Variants in UNC13A observed in about 807,000 individuals in gnomAD.
UNC13A encodes the protein unc-13 homolog A, also known as protein unc-13 homolog A.
Under a neutral mutation model 219.7 loss-of-function variants are expected in UNC13A, and 61 were observed. The ratio of observed to expected loss-of-function variants is 0.28; its 90% confidence interval spans 0.23 to 0.34. The LOEUF is 0.34. Among genes scored for constraint, UNC13A ranks in the 10% least tolerant of loss-of-function variants. UNC13A has a pLI of 1.00. For missense variants in UNC13A, 1,476 were observed against 2,270.3 expected (o/e 0.65, Z 7.11); for synonymous variants, 920 against 884.6 (o/e 1.04, Z -0.71).
intron 17 of UNC13A, 125 bp from the exon 18 acceptor site, chr19:17,646,236 G>A (rs1309038938): frequency 4.6e-6 from 6 of 1,290,524 alleles, no homozygotes; most frequent in Non-Finnish European, 5.3e-6. Context: ...AGCAATGGCA[G>A]GGCACGCTGG....
chr19:17,675,973 C>CAG, intron 2 of UNC13A, 39 bp downstream of exon 2: 1 of 1,550,638 alleles, frequency 6.4e-7, no homozygotes, highest in Non-Finnish European at 8.7e-7. Context: ...GACAGACAGA[C>CAG]AGACAACACG....
chr19:17,652,610 G>A (rs370888161), intron 12 of UNC13A, 21 bp downstream of exon 12: 104 of 1,613,480 alleles, frequency 6.4e-5, no homozygotes, highest in Non-Finnish European at 8.5e-5. Context: ...TCCTCCCACC[G>A]CTCACAGTTT....
At position 17,626,864 on chromosome 19, in the gene UNC13A, G is replaced by A. The variant is rs1313490579; in HGVS notation, c.3921-79C>T. ...CAGATGCTGATCTGTGGTCCTTGAG[G>A]TCATATCATTTGCATCACAGCACAT... is the stretch of plus-strand genomic sequence containing the variant. On this transcript the variant is annotated intron_variant, in intron 33 of 43. Transcript: ENST00000519716. 4.0e-6 allele frequency: 6 copies of A among 1,506,034 alleles called. No individual in the cohort carries two copies. The Middle Eastern group carries it at 5.4e-4, about 136-fold the overall frequency. 93.3% of individuals were successfully genotyped at this position (1,506,034 alleles called of 1,614,324 possible). A position where few individuals can be genotyped will look rare whatever the true frequency, so the allele number is the denominator to read the frequency against.
intron 6 of UNC13A, among the ~76,000 whole-genome samples, chr19:17,667,730 C>G (rs2079684807): frequency 6.6e-6 from 1 of 151,798 alleles, no homozygotes; most frequent in Non-Finnish European, 1.5e-5. Context: ...CCGCCACAGC[C>G]TCCCAAATTG....
At position 17,688,250 on chromosome 19, in the gene UNC13A, T is replaced by G. The variant is rs903695575; in HGVS notation, c.-51A>C. On this transcript the variant is annotated 5_prime_UTR_variant, in exon 1 of 44. Coordinates refer to ENST00000519716, the MANE Select transcript of UNC13A (RefSeq NM_001080421.3). ...AGGCGGCCGGGCCGGCTCTGTCGGG[T>G]CGGGCTCAGCGGCCGCTGGGCTGGG... 2 of 1,432,452 alleles carry G rather than the reference T, an allele frequency of 1.4e-6. No individual in the cohort carries two copies. The highest frequency in any genetic ancestry group is 1.5e-5 in the South Asian group (1 of 68,130). The allele number at this position is 1,432,452 out of a possible 1,614,324, so 88.7% of individuals were successfully genotyped here.
chr19:17,616,798 C>T (rs2076670720), intron 41 of UNC13A, among the ~76,000 whole-genome samples: 2 of 152,120 alleles, frequency 1.3e-5, no homozygotes, highest in Non-Finnish European at 2.9e-5. Flanking sequence ...GGCCACAGGG[C>T]TTTGCTCCCC....
At chr19:17,606,558 C>T (rs2076533028) in intron 43 of UNC13A, among the ~76,000 whole-genome samples, 1 of 152,102 alleles carries the variant, frequency 6.6e-6, no homozygotes, top group Non-Finnish European at 1.5e-5. Context: ...TGACCCCGAG[C>T]TGGGCCACGC....
intron 26 of UNC13A, among the ~76,000 whole-genome samples, chr19:17,633,561 C>T (rs182197336): frequency 6.6e-6 from 1 of 151,612 alleles, no homozygotes; most frequent in Admixed American, 6.6e-5. Flanking sequence ...CACCCATTAT[C>T]CACCCATCCA....
Position 17,601,942 on chromosome 19 carries a change from C to T in UNC13A, c.*4112G>A, listed in dbSNP as rs1355039046. Reference sequence around the variant, plus strand: ...GGACTAAGGCCCTCCCCCAACTTCCCCAGGGTGGCAGAGTTCCGGGAGGCC... The same window carrying T: ...GGACTAAGGCCCTCCCCCAACTTCCTCAGGGTGGCAGAGTTCCGGGAGGCC... On this transcript the variant is annotated 3_prime_UTR_variant, in exon 44 of 44. Coordinates refer to ENST00000519716, the MANE Select transcript of UNC13A (RefSeq NM_001080421.3). The T allele has an allele frequency of 6.6e-6, 1 of 152,598 alleles. No individual in the cohort carries two copies. The highest frequency in any genetic ancestry group is 2.4e-5 in the African/African-American group (1 of 41,420). 9.5% of individuals were successfully genotyped at this position (152,598 alleles called of 1,614,324 possible).
chr19:17,609,315 C>A (rs974926469), intron 43 of UNC13A, among the ~76,000 whole-genome samples: 34 of 152,016 alleles, frequency 2.2e-4, no homozygotes, highest in African/African-American at 7.5e-4. Flanking sequence ...ATCCTCTAGA[C>A]CCTATCCTGA....
In UNC13A at chr19:17,649,514, C is replaced by T. The variant is rs1213784317; in HGVS notation, c.1513G>A (p.Asp505Asn). The change falls in exon 13 of 44, where the codon GAC becomes AAC. Residue 505 changes from aspartate to asparagine, a missense_variant. By Grantham distance (23) the Asp-to-Asn change is conservative. This residue lies in a region of UNC13A where 85 missense variants were observed against 211.5 expected (regional missense o/e 0.40). Coordinates refer to ENST00000519716, the MANE Select transcript of UNC13A (RefSeq NM_001080421.3). This position sits in a 1 kb window ranked among gnomAD's most constrained non-coding sequence, Gnocchi z 4.4. ...TAAAGGGCGAGGGTGCTTACCAAGT[C>T]GCTCACGAGTGGGATAGGTTTCCTC... ...RKRKPIPLVS[D>N]LAMSLVQSRK... 1.2e-6 allele frequency: 2 copies of T among 1,613,908 alleles called. No individual in the cohort carries two copies. Among genetic ancestry groups the T allele is most frequent in the Non-Finnish European group, 1.7e-6 (2 of 1,179,886 alleles).
intron 25 of UNC13A, 82 bp downstream of exon 25, chr19:17,639,001 C>T: frequency 6.9e-7 from 1 of 1,440,096 alleles, no homozygotes. Context: ...AGAGTTAAAT[C>T]CCTCGGGAAG....
In UNC13A at chr19:17,627,736, G is replaced by T; in HGVS notation, c.3831+127C>A. On this transcript the variant is annotated intron_variant, in intron 32 of 43. Transcript: ENST00000519716. The surrounding 1 kb of genome is among the most constrained non-coding windows in gnomAD (Gnocchi z 4.7). ...CACAGACCGTTATGCTGCAAGCCTG[G>T]GTTTAAGGCCATGGTTGAGCTGGAA... 1 of 1,278,698 alleles carries T rather than the reference G, an allele frequency of 7.8e-7. No individual in the cohort carries two copies. The highest frequency in any genetic ancestry group is 1.1e-6 in the Non-Finnish European group (1 of 911,170). 79.2% of individuals were successfully genotyped at this position (1,278,698 alleles called of 1,614,324 possible). A position where few individuals can be genotyped will look rare whatever the true frequency, so the allele number is the denominator to read the frequency against.
chr19:17,650,079 G>A (rs573616831), intron 12 of UNC13A, among the ~76,000 whole-genome samples: 17 of 152,226 alleles, frequency 1.1e-4, no homozygotes, highest in East Asian at 1.9e-4. Flanking sequence ...TAAGCTACCC[G>A]TCTGTGGTAC....
intron 1 of UNC13A, among the ~76,000 whole-genome samples, chr19:17,680,884 C>CTTTTTTTTTTTTTTTTTTTTTTTTTT (rs2079997096): frequency 1.4e-5 from 1 of 69,552 alleles, no homozygotes; most frequent in Non-Finnish European, 2.9e-5. Context: ...TTTTTCTTTT[C>CTTTTTTTTTTTTTTTTTTTTTTTTTT]TTTTCTTTTT....
In UNC13A at chr19:17,658,044, G is replaced by A. The variant is rs749150439; in HGVS notation, c.767+18C>T. The stretch of plus-strand genomic sequence containing the variant: ...ACACAGCAGGACCCACATGCATGCT[G>A]CACTCCGCAGCACCTACCTGAGGGC... On this transcript the variant is annotated intron_variant, in intron 9 of 43. Transcript: ENST00000519716. 4 of 1,610,422 alleles carry A rather than the reference G, an allele frequency of 2.5e-6. No homozygotes were observed. The highest frequency in any genetic ancestry group is 3.4e-6 in the Non-Finnish European group (4 of 1,178,338).
chr19:17,669,985 C>T (rs1402750319), intron 4 of UNC13A, among the ~76,000 whole-genome samples: 1 of 145,880 alleles, frequency 6.9e-6, no homozygotes, highest in Non-Finnish European at 1.5e-5. Flanking sequence ...CTCGCTCTGT[C>T]GCCCAGGCTG....
chr19:17,614,382 T>C (rs1314795983), intron 41 of UNC13A: 1 of 152,150 alleles, frequency 6.6e-6, no homozygotes, highest in African/African-American at 2.4e-5. Context: ...GGGCTTCTGT[T>C]TGGGGCCACC....
At chr19:17,617,046 C>G (rs1266273293) in intron 41 of UNC13A, among the ~76,000 whole-genome samples, 2 of 152,164 alleles carry the variant, frequency 1.3e-5, no homozygotes, top group African/African-American at 4.8e-5. Context: ...CACCCTCCCC[C>G]ACCAAGTCGA....
Sources: allele counts gnomAD v4.1 joint callset (sites outside exome capture counted in the v4.1 genomes callset), GRCh38; gene constraint gnomAD v4.1.1; regional missense constraint gnomAD v4.1.1; non-coding constraint Gnocchi (gnomAD v3.1); transcripts MANE v1.5; gene names NCBI Gene and HGNC (gene_info 2026-07-23, HGNC 2026-07-21).